CLCN5: variants seen among roughly 807,000 people sequenced by gnomAD.
The protein encoded by CLCN5 is Cl-/H+ antiporter 5.
A neutral mutation model predicts 54.0 loss-of-function variants in CLCN5; 17 were observed. The observed-to-expected ratio is 0.31, with a 90% CI of 0.22 to 0.47. The LOEUF is 0.47. Among genes scored for constraint, CLCN5 ranks in the 20% least tolerant of loss-of-function variants. The pLI is 1.00. For missense variants in CLCN5, 448 were observed against 646.7 expected, an observed-to-expected ratio of 0.69 and a Z score of 3.33; for synonymous variants, 222 against 233.0, an observed-to-expected ratio of 0.95 and a Z score of 0.43.
chrX:50,062,234 C>G (rs1459641953), intron 4 of CLCN5, among the ~76,000 whole-genome samples: 2 of 70,734 alleles, frequency 2.8e-5, no homozygotes, highest in Non-Finnish European at 5.0e-5. Flanking sequence ...AGAGTCAAGA[C>G]CCATCAGTGT....
At chrX:49,947,957 A>G (rs1417896079) in intron 3 of CLCN5, among the ~76,000 whole-genome samples, 1 of 110,715 alleles carries the variant, frequency 9.0e-6, no homozygotes, top group Non-Finnish European at 1.9e-5. Context: ...TTGACTGTTC[A>G]GTTCCTTTTT....
chrX:49,979,680 T>C (rs1218054722), intron 3 of CLCN5, among the ~76,000 whole-genome samples: 4 of 111,682 alleles, frequency 3.6e-5, no homozygotes, highest in African/African-American at 1.3e-4. Context: ...TATTACATGA[T>C]GCTTTGAAAG....
intron 4 of CLCN5, among the ~76,000 whole-genome samples, chrX:50,060,514 G>A (rs1932837432): frequency 9.3e-6 from 1 of 107,061 alleles, no homozygotes; most frequent in Non-Finnish European, 1.9e-5. Flanking sequence ...CTACGCCCAC[G>A]GAATCTCGCT....
At chrX:50,051,070 G>T (rs968889326) in intron 4 of CLCN5, among the ~76,000 whole-genome samples, 14 of 111,424 alleles carry the variant, frequency 1.3e-4, no homozygotes, top group African/African-American at 4.6e-4. Context: ...CATGCTATTT[G>T]TATTGTATAT....
intron 4 of CLCN5, among the ~76,000 whole-genome samples, chrX:50,050,764 C>T (rs1932558673): frequency 9.7e-6 from 1 of 103,436 alleles, no homozygotes; most frequent in African/African-American, 3.6e-5. Flanking sequence ...CCTGGGTTCA[C>T]GCCATTCTCC....
At chrX:50,085,899 T>C in intron 9 of CLCN5, 81 bp from the exon 10 acceptor site, 1 of 815,357 alleles carries the variant, frequency 1.2e-6, no homozygotes. Flanking sequence ...CAGTAACTAC[T>C]AACATTTCTT....
chrX:49,933,323 A>G (rs1557169134), intron 3 of CLCN5, among the ~76,000 whole-genome samples: 1 of 111,699 alleles, frequency 9.0e-6, no homozygotes, highest in Admixed American at 9.5e-5. Context: ...TTCAGTGGGG[A>G]GAAATTGGTG....
At chrX:50,000,785 G>A (rs2147375438) in intron 3 of CLCN5, among the ~76,000 whole-genome samples, 1 of 111,970 alleles carries the variant, frequency 8.9e-6, no homozygotes, top group South Asian at 3.8e-4. Context: ...TGAAGGAGGC[G>A]ACGCATGTAT....
intron 4 of CLCN5, among the ~76,000 whole-genome samples, chrX:50,046,690 G>T (rs1932406413): frequency 9.0e-6 from 1 of 111,598 alleles, no homozygotes; most frequent in Non-Finnish European, 1.9e-5. Flanking sequence ...GCAGAGGAAT[G>T]ATATGATCAC....
chrX:49,956,768 A>G (rs1927345328), intron 3 of CLCN5, among the ~76,000 whole-genome samples: 1 of 111,946 alleles, frequency 8.9e-6, no homozygotes, highest in African/African-American at 3.2e-5. Flanking sequence ...TGTCCTTTCT[A>G]TCTGCCACAT....
At chrX:50,045,032 T>C (rs782083812) in intron 4 of CLCN5, among the ~76,000 whole-genome samples, 5 of 111,009 alleles carry the variant, frequency 4.5e-5, no homozygotes, top group African/African-American at 1.6e-4. Flanking sequence ...TTACCCATCA[T>C]GATAAGTACT....
chrX:49,924,041 A>G (rs1384972083), intron 2 of CLCN5, among the ~76,000 whole-genome samples: 1 of 112,106 alleles, frequency 8.9e-6, no homozygotes, highest in Non-Finnish European at 1.9e-5. Flanking sequence ...AGGGAAGACC[A>G]GTTTATTAAC....
intron 4 of CLCN5, among the ~76,000 whole-genome samples, chrX:50,067,275 A>G (rs1297153328): frequency 1.8e-5 from 2 of 111,323 alleles, no homozygotes; most frequent in African/African-American, 6.5e-5. Flanking sequence ...TATCTAGTGT[A>G]TTTTTTAAAA....
At chrX:49,952,543 C>T (rs905565970) in intron 3 of CLCN5, among the ~76,000 whole-genome samples, 39 of 108,992 alleles carry the variant, frequency 3.6e-4, no homozygotes, top group African/African-American at 1.2e-3. Context: ...AGAGTTTTGC[C>T]CCATTAACAT....
intron 3 of CLCN5, among the ~76,000 whole-genome samples, chrX:50,026,192 C>G (rs1185596674): frequency 9.0e-6 from 1 of 111,629 alleles, no homozygotes; most frequent in African/African-American, 3.3e-5. Context: ...CAAGCTTTGT[C>G]TTAATGATTT....
At chrX:50,067,589 GT>G in intron 4 of CLCN5, 1 of 753,958 alleles carries the variant, frequency 1.3e-6, no homozygotes, top group Non-Finnish European at 1.6e-6. Context: ...AACACTGGTA[GT>G]TCTTTAGGTG....
intron 4 of CLCN5, among the ~76,000 whole-genome samples, chrX:50,056,548 T>G (rs868968679): frequency 8.9e-6 from 1 of 111,823 alleles, no homozygotes; most frequent in Non-Finnish European, 1.9e-5. Context: ...CTTAGTCCAG[T>G]GGGAGCCTGC....
rs782646095 is a variant in CLCN5, at chrX:50,084,388, G to T, written c.934-1592G>T. 5.6e-4 allele frequency among the ~76,000 whole-genome samples: 59 copies of T among 105,017 alleles called. No homozygotes were observed. The South Asian group carries it at 0.023, about 41-fold the overall frequency. The allele number at this position is 105,017 out of a possible 115,157, so 91.2% of individuals were successfully genotyped here. Reference sequence around the variant, plus strand: ...ATTGGTTTTTTTTGTTTTTGTTTTTGTTTTTTTTTTGGAGACAGGGTCTCA... The same window carrying T: ...ATTGGTTTTTTTTGTTTTTGTTTTTTTTTTTTTTTTGGAGACAGGGTCTCA... On this transcript the variant is annotated intron_variant, in intron 9 of 14. Coordinates refer to ENST00000376091, the MANE Select transcript of CLCN5 (RefSeq NM_001127898.4).
chrX:50,008,466 G>T (rs1008448846), intron 3 of CLCN5: 1 of 365,452 alleles, frequency 2.7e-6, no homozygotes, highest in Admixed American at 2.6e-5. Context: ...CTGGGTGAGA[G>T]TGCTGTCTGA....
Sources: gnomAD v4.1 joint callset for allele counts (sites outside exome capture counted in the v4.1 genomes callset) on GRCh38, gnomAD v4.1.1 for gene constraint, MANE v1.5 for transcripts, NCBI Gene and HGNC (gene_info 2026-07-23, HGNC 2026-07-21) for gene names.